TOGARAM1: variants seen among roughly 807,000 people sequenced by gnomAD.
TOGARAM1 encodes TOG array regulator of axonemal microtubules 1.
In TOGARAM1, 100 loss-of-function variants were observed where a neutral mutation model predicts 166.6. The observed-to-expected ratio is 0.60, with a 90% CI of 0.51 to 0.71. The LOEUF is 0.71. Among genes scored for constraint, TOGARAM1 ranks in the 30% least tolerant of loss-of-function variants. The pLI is 0.00. For missense variants in TOGARAM1, 2,029 were observed against 2,102.7 expected (o/e 0.96, Z 0.69); for synonymous variants, 758 against 763.8 (o/e 0.99, Z 0.13).
At chr14:44,969,145 C>CCTTCCTTT (rs368091743) in intron 1 of TOGARAM1, among the ~76,000 whole-genome samples, 6 of 116,298 alleles carry the variant, frequency 5.2e-5, no homozygotes, top group African/African-American at 1.9e-4. Flanking sequence ...TTCCTTCCTT[C>CCTTCCTTT]CTTTCTTTCT....
intron 11 of TOGARAM1, among the ~76,000 whole-genome samples, chr14:45,041,025 C>A (rs935710139): frequency 6.6e-6 from 1 of 151,876 alleles, no homozygotes; most frequent in Non-Finnish European, 1.5e-5. Context: ...GGCAACAGAG[C>A]GAGACTCTGT....
At chr14:45,024,201 A>G (rs1011222397) in intron 7 of TOGARAM1, among the ~76,000 whole-genome samples, 2 of 152,144 alleles carry the variant, frequency 1.3e-5, no homozygotes, top group African/African-American at 4.8e-5. Context: ...TCCTAGTTGT[A>G]ATGGTCCATA....
In TOGARAM1 at chr14:44,962,634, C is replaced by G; in HGVS notation, c.213C>G (p.Leu71=). Residue 71 remains leucine (L), a synonymous_variant, in exon 1 of 20, where the codon CTC becomes CTG. Transcript: ENST00000361462. ...PTTTSPLASA[L]LMPSEAVSSS... is the part of the protein sequence containing the mutation. ...CAACTTCGCCTCTGGCCTCGGCCCT[C>G]TTGATGCCCTCGGAGGCAGTCTCAA... 6.2e-7 allele frequency: 1 copy of G among 1,614,010 alleles called. No homozygotes were observed. Among genetic ancestry groups the G allele is most frequent in the Non-Finnish European group, 8.5e-7 (1 of 1,179,908 alleles).
At chr14:45,017,914 A>C (rs553948439) in intron 7 of TOGARAM1, among the ~76,000 whole-genome samples, 1 of 152,188 alleles carries the variant, frequency 6.6e-6, no homozygotes, top group South Asian at 2.1e-4. Context: ...ATTGTTAAGA[A>C]TGGTTTTTTT....
chr14:45,010,177 A>G lies in TOGARAM1; in HGVS notation c.3137+1032A>G, dbSNP rs73352243. Among the ~76,000 whole-genome samples the G allele has an allele frequency of 5.4e-3, 789 of 145,464 alleles. 9 individuals are homozygous for G. Among genetic ancestry groups the G allele is most frequent in the African/African-American group, 0.019 (694 of 35,846 alleles). ...AATCAAAGGAGAGGTAGTGTTCTAA[A>G]TAGATCATAATGTTTTATTCCAGCA... On this transcript the variant is annotated intron_variant, in intron 6 of 19. Coordinates refer to ENST00000361462, the MANE Select transcript of TOGARAM1 (RefSeq NM_001308120.2).
intron 11 of TOGARAM1, among the ~76,000 whole-genome samples, chr14:45,039,602 G>A (rs1182645817): frequency 1.3e-5 from 2 of 152,178 alleles, no homozygotes; most frequent in Admixed American, 1.3e-4. Flanking sequence ...TGCCCCAAGT[G>A]TGTGCACACC....
chr14:44,970,002 A>G (rs903356350), intron 1 of TOGARAM1, among the ~76,000 whole-genome samples: 4 of 152,146 alleles, frequency 2.6e-5, no homozygotes, highest in Admixed American at 2.0e-4. Context: ...TTTTCCTTCC[A>G]TGTTGAGTTC....
intron 11 of TOGARAM1, among the ~76,000 whole-genome samples, chr14:45,039,372 C>CA (rs1881605717): frequency 6.6e-6 from 1 of 152,158 alleles, no homozygotes; most frequent in Non-Finnish European, 1.5e-5. Context: ...CCCACTCCCA[C>CA]AAGCTTCAGT....
chr14:45,065,922 A>C (rs1356475586), intron 16 of TOGARAM1, among the ~76,000 whole-genome samples: 1 of 152,220 alleles, frequency 6.6e-6, no homozygotes, highest in East Asian at 1.9e-4. Context: ...CTATCCCTAA[A>C]AAAGGCTGCT....
At chr14:44,998,297 C>CA (rs1292899647) in intron 2 of TOGARAM1, among the ~76,000 whole-genome samples, 2 of 152,118 alleles carry the variant, frequency 1.3e-5, no homozygotes, top group Non-Finnish European at 2.9e-5. Context: ...GAAAATAAGA[C>CA]AATATGTAAG....
intron 1 of TOGARAM1, among the ~76,000 whole-genome samples, chr14:44,987,836 C>T (rs1406236901): frequency 1.3e-5 from 2 of 148,266 alleles, no homozygotes; most frequent in Non-Finnish European, 3.0e-5. Context: ...TTCACAATAG[C>T]AAAGACTTGG....
intron 11 of TOGARAM1, among the ~76,000 whole-genome samples, chr14:45,039,379 C>T (rs1372156328): frequency 6.6e-6 from 1 of 152,166 alleles, no homozygotes; most frequent in Non-Finnish European, 1.5e-5. Context: ...CCACAAGCTT[C>T]AGTCTGTCCC....
At chr14:45,050,586 C>G (rs1174550998) in intron 14 of TOGARAM1, among the ~76,000 whole-genome samples, 1 of 151,348 alleles carries the variant, frequency 6.6e-6, no homozygotes, top group African/African-American at 2.4e-5. Context: ...CCTGTATCCC[C>G]CCAATCCACA....
chr14:44,994,152 C>G (rs1036952033), intron 1 of TOGARAM1, among the ~76,000 whole-genome samples: 2 of 152,040 alleles, frequency 1.3e-5, no homozygotes, highest in Non-Finnish European at 2.9e-5. Flanking sequence ...TGTTGCCCAG[C>G]CTGGAGTGCA....
intron 7 of TOGARAM1, among the ~76,000 whole-genome samples, chr14:45,021,516 A>G (rs952482908): frequency 1.3e-5 from 2 of 152,204 alleles, no homozygotes; most frequent in African/African-American, 4.8e-5. Flanking sequence ...TTACGATTTT[A>G]GTTACTTTCC....
chr14:44,965,574 T>C (rs912863153), intron 1 of TOGARAM1, among the ~76,000 whole-genome samples: 1 of 152,216 alleles, frequency 6.6e-6, no homozygotes, highest in African/African-American at 2.4e-5. Context: ...AGGAGATACA[T>C]ATATATTAAG....
In TOGARAM1 at chr14:45,025,858, T is replaced by C. The variant is rs1566644481; in HGVS notation, c.3314T>C (p.Val1105Ala). Reference sequence around the variant, plus strand: ...AAGGCTTTATCAGAAGACTCAGTAGTAGTTGTTGGAAAAGGTATTTCAAAG... The same window carrying C: ...AAGGCTTTATCAGAAGACTCAGTAGCAGTTGTTGGAAAAGGTATTTCAAAG... The part of the protein sequence containing the change: ...TTKALSEDSV[V>A]VVGKGVFGSL... The change falls in exon 8 of 20, where the codon GTA (valine) becomes GCA (alanine). Residue 1105 changes from valine to alanine, a missense_variant. Around this residue, in one of 2 missense-constraint regions of TOGARAM1, gnomAD observed 1,453 missense variants for 1,432.2 expected, o/e 1.01. Transcript: ENST00000361462. 1.3e-6 allele frequency: 2 copies of C among 1,586,122 alleles called. No homozygotes were observed. Among genetic ancestry groups the C allele is most frequent in the Non-Finnish European group, 1.7e-6 (2 of 1,157,906 alleles).
intron 14 of TOGARAM1, among the ~76,000 whole-genome samples, chr14:45,046,938 C>T (rs1188282769): frequency 6.6e-6 from 1 of 152,048 alleles, no homozygotes; most frequent in East Asian, 1.9e-4. Flanking sequence ...GATGCCAAGT[C>T]ACAGGGATGA....
intron 10 of TOGARAM1, among the ~76,000 whole-genome samples, chr14:45,028,723 G>A (rs1881002636): frequency 6.6e-6 from 1 of 152,026 alleles, no homozygotes; most frequent in Non-Finnish European, 1.5e-5. Context: ...TTTTGTGCTT[G>A]GTCAAGAGTA....
Sources: allele counts gnomAD v4.1 joint callset (sites outside exome capture counted in the v4.1 genomes callset), GRCh38; gene constraint gnomAD v4.1.1; regional missense constraint gnomAD v4.1.1; transcripts MANE v1.5; gene names NCBI Gene and HGNC (gene_info 2026-07-23, HGNC 2026-07-21).